The following RAB43 variants were observed in gnomAD, a reference collection of about 807,000 sequenced individuals.
RAB43 encodes the protein RAB43, member RAS oncogene family, also known as ras-related protein Rab-43.
RAB43 carries 6 observed loss-of-function variants against 18.8 expected under a neutral mutation model. That is an observed-to-expected ratio of 0.32 (90% CI 0.17 to 0.63). The LOEUF is 0.63. Ranked by LOEUF, RAB43 falls within the 30% of genes least tolerant of loss-of-function variation. The probability of loss-of-function intolerance (pLI) is 0.79; values close to 1 mark genes in which losing one functional copy is unlikely to be tolerated. For synonymous variants in RAB43, 103 were observed against 124.1 expected (o/e 0.83, Z 1.13); for missense variants, 195 against 289.1 (o/e 0.67, Z 2.36).
At chr3:129,120,724 C>T (rs1250717198) in intron 1 of RAB43, among the ~76,000 whole-genome samples, 1 of 152,194 alleles carries the variant, frequency 6.6e-6, no homozygotes, top group Non-Finnish European at 1.5e-5. Flanking sequence ...AAAGTTCCAC[C>T]ACCAGGTCCA....
intron 1 of RAB43, among the ~76,000 whole-genome samples, chr3:129,117,201 T>C (rs960279457): frequency 1.3e-5 from 2 of 152,330 alleles, no homozygotes; most frequent in Admixed American, 6.5e-5. Flanking sequence ...GAATGGTTTA[T>C]CTATTCAAAA....
intron 1 of RAB43, among the ~76,000 whole-genome samples, chr3:129,105,515 T>C (rs1576832154): frequency 6.6e-6 from 1 of 150,824 alleles, no homozygotes; most frequent in East Asian, 2.0e-4. Context: ...GCGCAGTGGC[T>C]CATGCCTGTA....
chr3:129,094,505 CT>C (rs200896936), intron 2 of RAB43, among the ~76,000 whole-genome samples: 27 of 69,146 alleles, frequency 3.9e-4, no homozygotes, highest in African/African-American at 1.4e-3. Flanking sequence ...ATATAACTTT[CT>C]TTTTTTTTTT....
intron 1 of RAB43, among the ~76,000 whole-genome samples, chr3:129,097,462 A>C (rs1165990110): frequency 6.6e-6 from 1 of 152,232 alleles, no homozygotes; most frequent in African/African-American, 2.4e-5. Flanking sequence ...TGAGGGTTTA[A>C]TAAAGGCACT....
At chr3:129,098,340 T>A (rs1461083860) in intron 1 of RAB43, among the ~76,000 whole-genome samples, 2 of 152,160 alleles carry the variant, frequency 1.3e-5, no homozygotes, top group African/African-American at 4.8e-5. Flanking sequence ...TCTTTCCACA[T>A]ATCCACCCTA....
Position 129,094,599 on chromosome 3 carries a change from C to T in RAB43, c.388+387G>A, listed in dbSNP as rs369550147. On this transcript the variant is annotated intron_variant, in intron 2 of 2. Transcript: ENST00000315150. ...GCGTGATCTCAGCTCACTGCAAGCT[C>T]CGCCTCCCAGGTTCATGCCATTCTC... 1.9e-4 allele frequency among the ~76,000 whole-genome samples: 26 copies of T among 134,800 alleles called. 3 individuals carry two copies. Among genetic ancestry groups the T allele is most frequent in the Admixed American group, 7.9e-4 (9 of 11,406 alleles). 88.4% of individuals were successfully genotyped at this position (134,800 alleles called of 152,430 possible). A position where few individuals can be genotyped will look rare whatever the true frequency, so the allele number is the denominator to read the frequency against.
intron 1 of RAB43, among the ~76,000 whole-genome samples, chr3:129,111,689 T>C (rs1036806300): frequency 3.9e-5 from 6 of 152,126 alleles, no homozygotes; most frequent in East Asian, 3.8e-4. Context: ...CACTGAAGTA[T>C]TGGCCTTGAG....
chr3:129,093,030 G>A lies in RAB43; in HGVS notation c.389-1684C>T, dbSNP rs1049787353. On this transcript the variant is annotated intron_variant, in intron 2 of 2. Transcript: ENST00000315150. ...TTGGAAGACAGAGTCTTACTCTGTCGCATAGGCTGGAGGACAGTGGCACGA... is the reference window on the plus strand; with the variant it reads ...TTGGAAGACAGAGTCTTACTCTGTCACATAGGCTGGAGGACAGTGGCACGA... Among the ~76,000 whole-genome samples the A allele has an allele frequency of 2.8e-4, 42 of 151,658 alleles. 1 individual carries two copies. The highest frequency in any genetic ancestry group is 1.0e-3 in the Admixed American group (16 of 15,264).
chr3:129,116,988 TC>T (rs1197785922), intron 1 of RAB43, among the ~76,000 whole-genome samples: 1 of 151,946 alleles, frequency 6.6e-6, no homozygotes, highest in Non-Finnish European at 1.5e-5. Context: ...TCAGACCTAA[TC>T]TGTCTCATCT....
Position 129,109,162 on chromosome 3 carries a change from A to G in RAB43, c.204+12124T>C, listed in dbSNP as rs111397509. On this transcript the variant is annotated intron_variant, in intron 1 of 2. Transcript: ENST00000315150. ...GCGGTGGCTCACACCTGTAATCCCA[A>G]CACTTTGGGAGGCCAAGGCGGGCGG... 5.7e-3 allele frequency among the ~76,000 whole-genome samples: 873 copies of G among 152,250 alleles called. 3 individuals are homozygous for G. The highest frequency in any genetic ancestry group is 0.015 in the African/African-American group (619 of 41,554).
chr3:129,098,286 G>A (rs1934186892), intron 1 of RAB43, among the ~76,000 whole-genome samples: 1 of 152,178 alleles, frequency 6.6e-6, no homozygotes, highest in Non-Finnish European at 1.5e-5. Flanking sequence ...CTTGGGTTTG[G>A]AGGTTGAGTT....
chr3:129,115,028 C>T (rs949989014), intron 1 of RAB43, among the ~76,000 whole-genome samples: 10 of 152,228 alleles, frequency 6.6e-5, no homozygotes, highest in Admixed American at 3.9e-4. Flanking sequence ...AACATCAGTT[C>T]CCATCTGTGG....
chr3:129,096,649 A>C (rs966723560), intron 1 of RAB43, among the ~76,000 whole-genome samples: 4 of 152,252 alleles, frequency 2.6e-5, no homozygotes, highest in Non-Finnish European at 5.9e-5. Flanking sequence ...AGATTCATGG[A>C]ACAAGGAAAG....
intron 2 of RAB43, among the ~76,000 whole-genome samples, chr3:129,092,103 T>A (rs1314980044): frequency 6.6e-6 from 1 of 151,456 alleles, no homozygotes; most frequent in African/African-American, 2.4e-5. Flanking sequence ...TAAAATTTCC[T>A]TGGTAACCTT....
rs1934932528 is a variant in RAB43 at position 129,108,474 on chromosome 3, T to TG, written c.204+12811dup. Among the ~76,000 whole-genome samples, 5 of 152,330 alleles carry TG rather than the reference T, an allele frequency of 3.3e-5. No homozygotes were observed. In the East Asian group the frequency reaches 9.6e-4, roughly 29 times the overall value. ...CTACATATATTTTCTCCACCAGAGG[T>TG]GAGTCCCCAGAGACTGCCTCTTACT... On this transcript the variant is annotated intron_variant, in intron 1 of 2. Transcript: ENST00000315150.
intron 1 of RAB43, 42 bp downstream of exon 1, chr3:129,121,244 C>A: frequency 1.3e-6 from 2 of 1,536,396 alleles, no homozygotes; most frequent in African/African-American, 1.4e-5. Context: ...CCGCCCCACC[C>A]TCCGAGGGAG....
chr3:129,105,834 G>A (rs1031635408), intron 1 of RAB43, among the ~76,000 whole-genome samples: 2 of 151,968 alleles, frequency 1.3e-5, no homozygotes, highest in African/African-American at 4.8e-5. Context: ...GGGCTTTGTA[G>A]TGGAAATTGA....
At chr3:129,105,635 C>CTA (rs1385891624) in intron 1 of RAB43, among the ~76,000 whole-genome samples, 1 of 151,776 alleles carries the variant, frequency 6.6e-6, no homozygotes, top group East Asian at 1.9e-4. Context: ...CAAAAATTAG[C>CTA]CGTGCATGGT....
intron 1 of RAB43, among the ~76,000 whole-genome samples, chr3:129,118,204 C>G (rs746052022): frequency 1.1e-4 from 16 of 152,170 alleles, no homozygotes; most frequent in Non-Finnish European, 2.2e-4. Context: ...AGCTGGAGAG[C>G]AGGCAGTGAA....
Sources: gnomAD v4.1 joint callset for allele counts (sites outside exome capture counted in the v4.1 genomes callset) on GRCh38, gnomAD v4.1.1 for gene constraint, MANE v1.5 for transcripts, NCBI Gene and HGNC (gene_info 2026-07-23, HGNC 2026-07-21) for gene names.